OPHN1: variants seen among roughly 807,000 people sequenced by gnomAD.
OPHN1 encodes oligophrenin-1.
Under a neutral mutation model 60.7 loss-of-function variants are expected in OPHN1, and 11 were observed. The observed-to-expected ratio is 0.18, with a 90% CI of 0.11 to 0.30. The LOEUF (loss-of-function observed/expected upper bound fraction) is 0.30. OPHN1 is among the 10% of genes least tolerant of loss of function. The pLI is 1.00. For missense variants in OPHN1, 449 were observed against 611.0 expected (o/e 0.73, Z 2.80); for synonymous variants, 226 against 222.6 (o/e 1.02, Z -0.14).
At chrX:68,275,620 T>A (rs2077988738) in intron 4 of OPHN1, among the ~76,000 whole-genome samples, 1 of 111,620 alleles carries the variant, frequency 9.0e-6, no homozygotes, top group African/African-American at 3.3e-5. Context: ...ATTGCATTAA[T>A]TTTTATTAAT....
At chrX:68,070,628 T>C in intron 20 of OPHN1, 2 of 732,363 alleles carry the variant, frequency 2.7e-6, no homozygotes, top group Non-Finnish European at 4.4e-6. Context: ...CTGTGTTCCA[T>C]TTGGCACAGC....
intron 6 of OPHN1, among the ~76,000 whole-genome samples, chrX:68,228,824 T>C (rs1288957734): frequency 9.0e-6 from 1 of 110,690 alleles, no homozygotes; most frequent in Admixed American, 9.7e-5. Context: ...GGGCAAAAAC[T>C]GGAAGCATTC....
intron 15 of OPHN1, among the ~76,000 whole-genome samples, chrX:68,188,959 A>G (rs947847981): frequency 8.9e-6 from 1 of 112,356 alleles, no homozygotes; most frequent in Non-Finnish European, 1.9e-5. Context: ...TAATGCCATA[A>G]TGATGAAATA....
intron 2 of OPHN1, among the ~76,000 whole-genome samples, chrX:68,379,466 G>T (rs1276237831): frequency 1.9e-5 from 2 of 104,989 alleles, no homozygotes; most frequent in Non-Finnish European, 3.9e-5. Flanking sequence ...CCAACACTAT[G>T]TTGAATAGGA....
rs1242973745 is a variant in OPHN1 at position 68,079,897 on chromosome X, T to C, written c.1687-6598A>G. ...ACATCCATTTAGTCACCAAGTTCTA[T>C]CAATTATACTTCCTTAATGTCTCTC... is the stretch of plus-strand genomic sequence containing the variant. On this transcript the variant is annotated intron_variant, in intron 19 of 24. Transcript: ENST00000355520. Among the ~76,000 whole-genome samples, 6 of 111,876 alleles carry C rather than the reference T, an allele frequency of 5.4e-5. No homozygotes were observed. The Admixed American group carries it at 5.7e-4, about 11-fold the overall frequency.
chrX:68,127,419 TA>T (rs2077176326), intron 15 of OPHN1, among the ~76,000 whole-genome samples: 1 of 111,972 alleles, frequency 8.9e-6, no homozygotes, highest in Non-Finnish European at 1.9e-5. Flanking sequence ...TTCTTTAAGC[TA>T]ATAAAGATCT....
intron 5 of OPHN1, among the ~76,000 whole-genome samples, chrX:68,237,873 T>C (rs1233136132): frequency 8.9e-6 from 1 of 111,911 alleles, no homozygotes; most frequent in Non-Finnish European, 1.9e-5. Context: ...TTATGCTAAC[T>C]AGAACCTCCA....
At chrX:68,344,423 C>T (rs1415114967) in intron 2 of OPHN1, among the ~76,000 whole-genome samples, 1 of 104,906 alleles carries the variant, frequency 9.5e-6, no homozygotes, top group Non-Finnish European at 2.0e-5. Flanking sequence ...ACCAGCCTGG[C>T]CGACATGGTG....
intron 15 of OPHN1, among the ~76,000 whole-genome samples, chrX:68,170,013 A>C (rs1189162169): frequency 2.7e-5 from 3 of 109,258 alleles, no homozygotes; most frequent in Non-Finnish European, 3.8e-5. Flanking sequence ...AATGGGAGAA[A>C]ATTTTCACAA....
At chrX:68,375,765 G>T (rs1415959416) in intron 2 of OPHN1, among the ~76,000 whole-genome samples, 2 of 109,516 alleles carry the variant, frequency 1.8e-5, no homozygotes, top group Non-Finnish European at 3.8e-5. Context: ...TGTTGCCCAG[G>T]GTGGTTAAGC....
chrX:68,288,592 C>T (rs1383168362), intron 3 of OPHN1, among the ~76,000 whole-genome samples: 1 of 110,316 alleles, frequency 9.1e-6, no homozygotes, highest in Non-Finnish European at 1.9e-5. Context: ...GTGAGACCCC[C>T]GTCTCTACTA....
At chrX:68,091,811 A>G (rs778143307) in intron 19 of OPHN1, among the ~76,000 whole-genome samples, 1 of 111,404 alleles carries the variant, frequency 9.0e-6, no homozygotes, top group Non-Finnish European at 1.9e-5. Context: ...TCTATGCCTC[A>G]AGCCAACAAC....
intron 2 of OPHN1, among the ~76,000 whole-genome samples, chrX:68,372,656 G>C (rs1446300465): frequency 9.0e-6 from 1 of 110,884 alleles, no homozygotes; most frequent in Non-Finnish European, 1.9e-5. Flanking sequence ...ACCAAACTAA[G>C]TTGTGTCTTC....
intron 23 of OPHN1, among the ~76,000 whole-genome samples, chrX:68,049,418 C>T (rs2076843572): frequency 8.9e-6 from 1 of 111,844 alleles, no homozygotes; most frequent in African/African-American, 3.2e-5. Context: ...AGACTTTTCT[C>T]TTTCTCGGTT....
At position 68,318,755 on chromosome X, in the gene OPHN1, G is replaced by A. The variant is rs769855472; in HGVS notation, c.155-19659C>T. ...AATCCCATCCAAGATCCCACATTAC[G>A]TTTAGTCATCATGACTCCTTAGGCT... On this transcript the variant is annotated intron_variant, in intron 2 of 24. Coordinates refer to ENST00000355520, the MANE Select transcript of OPHN1 (RefSeq NM_002547.3). 1.5e-3 allele frequency among the ~76,000 whole-genome samples: 170 copies of A among 111,388 alleles called. 1 individual carries two copies. The highest frequency in any genetic ancestry group is 2.9e-3 in the Non-Finnish European group (155 of 53,047).
At position 68,119,126 on chromosome X, in the gene OPHN1, C is replaced by T. The variant is rs769106593; in HGVS notation, c.1361+122G>A. The T allele has an allele frequency of 1.8e-4, 94 of 516,273 alleles. No individual in the cohort carries two copies. The African/African-American group carries it at 2.0e-3, about 11-fold the overall frequency. 42.5% of individuals were successfully genotyped at this position (516,273 alleles called of 1,213,427 possible). A position where few individuals can be genotyped will look rare whatever the true frequency, so the allele number is the denominator to read the frequency against. On this transcript the variant is annotated intron_variant, in intron 16 of 24. Transcript: ENST00000355520. Reference sequence around the variant, plus strand: ...CATTCTTGGCCAGAAATCCTCTTCACATGTTTTTTCTTAAGCAATTCTATC... The same window carrying T: ...CATTCTTGGCCAGAAATCCTCTTCATATGTTTTTTCTTAAGCAATTCTATC...
intron 2 of OPHN1, among the ~76,000 whole-genome samples, chrX:68,403,648 G>A (rs754880366): frequency 5.4e-5 from 6 of 110,160 alleles, no homozygotes; most frequent in Admixed American, 2.0e-4. Flanking sequence ...AAAAATAAAC[G>A]TCCCTATCAT....
At chrX:68,367,512 T>TA (rs1177240614) in intron 2 of OPHN1, among the ~76,000 whole-genome samples, 2 of 111,603 alleles carry the variant, frequency 1.8e-5, no homozygotes, top group African/African-American at 3.2e-5. Context: ...TACTTGCCTT[T>TA]AACCCACCCT....
chrX:68,253,364 T>C (rs1432760274), intron 5 of OPHN1, among the ~76,000 whole-genome samples: 1 of 111,499 alleles, frequency 9.0e-6, no homozygotes, highest in Admixed American at 9.6e-5. Flanking sequence ...TCAGCATAAT[T>C]TGAACAAAAA....
Sources: gnomAD v4.1 joint callset for allele counts (sites outside exome capture counted in the v4.1 genomes callset) on GRCh38, gnomAD v4.1.1 for gene constraint, MANE v1.5 for transcripts, NCBI Gene and HGNC (gene_info 2026-07-23, HGNC 2026-07-21) for gene names.